CTNND2: variants seen among roughly 807,000 people sequenced by gnomAD.
The protein encoded by CTNND2 is catenin delta-2.
A neutral mutation model predicts 144.4 loss-of-function variants in CTNND2; 22 were observed. The observed-to-expected ratio is 0.15, with a 90% CI of 0.11 to 0.22. The LOEUF (loss-of-function observed/expected upper bound fraction) is 0.22. Ranked by LOEUF, CTNND2 falls within the 10% of genes least tolerant of loss-of-function variation. CTNND2 has a pLI of 1.00. For synonymous variants in CTNND2, 751 were observed against 695.6 expected (o/e 1.08, Z -1.25); for missense variants, 1,353 against 1,618.8 (o/e 0.84, Z 2.82).
chr5:11,751,139 T>C (rs1788592485), intron 1 of CTNND2, among the ~76,000 whole-genome samples: 2 of 151,936 alleles, frequency 1.3e-5, no homozygotes, highest in Admixed American at 1.3e-4. Flanking sequence ...TCAGTGAATT[T>C]TGTTGATGTG....
chr5:11,709,795 A>G (rs1785919159), intron 2 of CTNND2, among the ~76,000 whole-genome samples: 1 of 152,194 alleles, frequency 6.6e-6, no homozygotes, highest in Non-Finnish European at 1.5e-5. Context: ...ACATTTCTTT[A>G]ATATTAAACT....
intron 2 of CTNND2, among the ~76,000 whole-genome samples, chr5:11,689,730 G>A (rs1784810911): frequency 6.7e-6 from 1 of 149,896 alleles, no homozygotes; most frequent in South Asian, 2.1e-4. Context: ...CAAAAGTGGT[G>A]AGACAGTATC....
chr5:11,111,259 TATC>T (rs1327777300), intron 13 of CTNND2, among the ~76,000 whole-genome samples: 1 of 152,222 alleles, frequency 6.6e-6, no homozygotes, highest in Non-Finnish European at 1.5e-5. Flanking sequence ...ATAAATGACT[TATC>T]AGCAATAGTT....
intron 9 of CTNND2, among the ~76,000 whole-genome samples, chr5:11,316,898 C>T (rs1302990925): frequency 6.6e-6 from 1 of 152,008 alleles, no homozygotes; most frequent in African/African-American, 2.4e-5. Context: ...CGTTGTTGGA[C>T]ATTTGGGTTG....
At chr5:11,360,465 G>A (rs1756334661) in intron 8 of CTNND2, among the ~76,000 whole-genome samples, 1 of 152,164 alleles carries the variant, frequency 6.6e-6, no homozygotes, top group Non-Finnish European at 1.5e-5. Context: ...AGGGCAGAAA[G>A]AGTAGAGTGG....
intron 2 of CTNND2, among the ~76,000 whole-genome samples, chr5:11,626,934 G>A (rs1231006873): frequency 2.0e-5 from 3 of 152,170 alleles, no homozygotes; most frequent in Non-Finnish European, 4.4e-5. Flanking sequence ...TGTGCTGGAG[G>A]CTCTCTCACT....
chr5:11,007,749 G>C (rs1740638767), intron 18 of CTNND2, among the ~76,000 whole-genome samples: 1 of 152,248 alleles, frequency 6.6e-6, no homozygotes, highest in South Asian at 2.1e-4. Flanking sequence ...GATCTCCCAA[G>C]AATGTGGCTT....
At position 11,235,057 on chromosome 5, in the gene CTNND2, A is replaced by G. The variant is rs149644308; in HGVS notation, c.1761+1634T>C. ...CTCACTGTGTAAGTGACACCTTTTC[A>G]GGCCCTCTTGGTGTGTGAGTCATGC... On this transcript the variant is annotated intron_variant, in intron 10 of 21. Coordinates refer to ENST00000304623, the MANE Select transcript of CTNND2 (RefSeq NM_001332.4). Among the ~76,000 whole-genome samples, 61 of 152,290 alleles carry G rather than the reference A, an allele frequency of 4.0e-4. 1 individual carries two copies. In the East Asian group the frequency reaches 9.3e-3, roughly 23 times the overall value.
chr5:11,244,280 ATTTTTTTT>A lies in CTNND2; in HGVS notation c.1629-7465_1629-7458del, dbSNP rs11322159. ...TAAAAACAAAAAGCTGTCCTATACAATTTTTTTTTTTTTTTTTTTTTTTTGAGACAGTC... is the reference window on the plus strand; with the variant it reads ...TAAAAACAAAAAGCTGTCCTATACAATTTTTTTTTTTTTTTTGAGACAGTC... On this transcript the variant is annotated intron_variant, in intron 9 of 21. Transcript: ENST00000304623. Among the ~76,000 whole-genome samples, 34 of 104,090 alleles carry A rather than the reference ATTTTTTTT, an allele frequency of 3.3e-4. No homozygotes were observed. The East Asian group carries it at 4.2e-3, about 13-fold the overall frequency. The allele number at this position is 104,090 out of a possible 152,430, so 68.3% of individuals were successfully genotyped here. A position where few individuals can be genotyped will look rare whatever the true frequency, so the allele number is the denominator to read the frequency against.
chr5:11,398,681 C>T (rs1224827497), intron 5 of CTNND2, among the ~76,000 whole-genome samples: 2 of 152,152 alleles, frequency 1.3e-5, no homozygotes, highest in East Asian at 1.9e-4. Flanking sequence ...AATCCCTTCA[C>T]TTTTAATTTA....
chr5:11,270,121 T>G (rs141166485), intron 9 of CTNND2, among the ~76,000 whole-genome samples: 1 of 152,334 alleles, frequency 6.6e-6, no homozygotes, highest in East Asian at 1.9e-4. Context: ...CCATGAATAC[T>G]GAAATTTACT....
intron 1 of CTNND2, among the ~76,000 whole-genome samples, chr5:11,778,312 G>C (rs1053762384): frequency 7.2e-5 from 11 of 152,054 alleles, no homozygotes; most frequent in African/African-American, 2.7e-4. Context: ...AGCTGGGCGG[G>C]GCAGGGGGGC....
intron 2 of CTNND2, among the ~76,000 whole-genome samples, chr5:11,700,484 T>C (rs978618768): frequency 6.6e-6 from 1 of 152,188 alleles, no homozygotes; most frequent in Non-Finnish European, 1.5e-5. Context: ...GTGGGATCAA[T>C]GACTTAAAGA....
intron 1 of CTNND2, among the ~76,000 whole-genome samples, chr5:11,886,148 A>G (rs912784872): frequency 6.6e-6 from 1 of 152,156 alleles, no homozygotes; most frequent in Non-Finnish European, 1.5e-5. Flanking sequence ...ACCCAAAATT[A>G]GTAGCAGAAA....
chr5:11,234,103 A>G (rs1387783122), intron 10 of CTNND2, among the ~76,000 whole-genome samples: 3 of 152,180 alleles, frequency 2.0e-5, no homozygotes, highest in Non-Finnish European at 4.4e-5. Flanking sequence ...GAGAAGTGAT[A>G]CAGGCAACCT....
chr5:11,317,581 C>T (rs1309381605), intron 9 of CTNND2, among the ~76,000 whole-genome samples: 1 of 152,152 alleles, frequency 6.6e-6, no homozygotes, highest in Non-Finnish European at 1.5e-5. Flanking sequence ...ATTATAAGTA[C>T]TTTTCAATGA....
intron 1 of CTNND2, among the ~76,000 whole-genome samples, chr5:11,849,858 C>A (rs148429788): frequency 2.6e-5 from 4 of 152,108 alleles, no homozygotes; most frequent in Non-Finnish European, 5.9e-5. Flanking sequence ...TGGCCAGGAA[C>A]CCAGAATGGC....
At chr5:11,616,279 T>C (rs1211823486) in intron 2 of CTNND2, among the ~76,000 whole-genome samples, 3 of 152,230 alleles carry the variant, frequency 2.0e-5, no homozygotes, top group African/African-American at 4.8e-5. Flanking sequence ...CTACTATGAC[T>C]TTGTCAAGCA....
intron 3 of CTNND2, among the ~76,000 whole-genome samples, chr5:11,416,553 T>C (rs1761953371): frequency 6.6e-6 from 1 of 152,198 alleles, no homozygotes; most frequent in Admixed American, 6.5e-5. Flanking sequence ...TTGCCTATTT[T>C]ATGTATTTGA....
Sources: gnomAD v4.1 joint callset for allele counts (sites outside exome capture counted in the v4.1 genomes callset) on GRCh38, gnomAD v4.1.1 for gene constraint, MANE v1.5 for transcripts, NCBI Gene and HGNC (gene_info 2026-07-23, HGNC 2026-07-21) for gene names.